CTNNA2: variants seen among roughly 807,000 people sequenced by gnomAD.
CTNNA2 encodes catenin alpha-2.
Under a neutral mutation model 101.0 loss-of-function variants are expected in CTNNA2, and 42 were observed. The observed-to-expected ratio is 0.42, with a 90% confidence interval of 0.32 to 0.54. The LOEUF (loss-of-function observed/expected upper bound fraction) is 0.54. Ranked by LOEUF, CTNNA2 falls within the 20% of genes least tolerant of loss-of-function variation. CTNNA2 has a pLI of 0.14. For missense variants in CTNNA2, 871 were observed against 1,223.1 expected, an observed-to-expected ratio of 0.71 and a Z score of 4.29; for synonymous variants, 450 against 456.4, an observed-to-expected ratio of 0.99 and a Z score of 0.18.
intron 3 of CTNNA2, among the ~76,000 whole-genome samples, chr2:79,321,190 C>G (rs930144693): frequency 6.6e-6 from 1 of 152,006 alleles, no homozygotes. Flanking sequence ...TGAGATTATT[C>G]CCATTTTTCA....
chr2:79,300,660 C>T (rs958941220), intron 2 of CTNNA2, among the ~76,000 whole-genome samples: 7 of 152,168 alleles, frequency 4.6e-5, no homozygotes, highest in Non-Finnish European at 5.9e-5. Context: ...TCTTAAGTTT[C>T]ATTAAATCTT....
At chr2:79,933,812 A>G (rs1687611799) in intron 7 of CTNNA2, among the ~76,000 whole-genome samples, 1 of 152,182 alleles carries the variant, frequency 6.6e-6, no homozygotes, top group Non-Finnish European at 1.5e-5. Context: ...GCACACTTAA[A>G]ATGTTTCTGT....
At chr2:80,608,951 A>G (rs1213070225) in intron 17 of CTNNA2, among the ~76,000 whole-genome samples, 2 of 151,880 alleles carry the variant, frequency 1.3e-5, no homozygotes, top group Non-Finnish European at 2.9e-5. Context: ...TCAAATGCAT[A>G]GAAATAAGTT....
chr2:79,353,627 C>T (rs767984170), intron 3 of CTNNA2, among the ~76,000 whole-genome samples: 6 of 152,066 alleles, frequency 3.9e-5, no homozygotes, highest in Non-Finnish European at 8.8e-5. Context: ...TTCCACTTGT[C>T]ATTCTATGCC....
chr2:80,511,082 A>G (rs1164746262), intron 9 of CTNNA2, among the ~76,000 whole-genome samples: 3 of 152,214 alleles, frequency 2.0e-5, no homozygotes, highest in Non-Finnish European at 4.4e-5. Flanking sequence ...TAGAGAGCCA[A>G]AGTTTTTGCT....
At chr2:79,640,667 G>A (rs2104415824) in intron 1 of CTNNA2, among the ~76,000 whole-genome samples, 1 of 152,056 alleles carries the variant, frequency 6.6e-6, no homozygotes, top group South Asian at 2.1e-4. Context: ...TTATTCTCTA[G>A]GAAATAGACC....
intron 3 of CTNNA2, among the ~76,000 whole-genome samples, chr2:79,800,607 G>A (rs138527080): frequency 2.0e-5 from 3 of 152,238 alleles, no homozygotes; most frequent in Non-Finnish European, 4.4e-5. Flanking sequence ...AACAGATCAC[G>A]TCCACCTGCA....
intron 7 of CTNNA2, among the ~76,000 whole-genome samples, chr2:80,110,470 G>A (rs1182301491): frequency 1.3e-5 from 2 of 152,150 alleles, no homozygotes; most frequent in African/African-American, 2.4e-5. Context: ...TTAGTCCCCA[G>A]TATATATGGC....
intron 7 of CTNNA2, among the ~76,000 whole-genome samples, chr2:80,130,337 A>C (rs1157348823): frequency 6.6e-6 from 1 of 152,238 alleles, no homozygotes; most frequent in Non-Finnish European, 1.5e-5. Flanking sequence ...GTTTCTCTAA[A>C]TTGGAGCACA....
intron 7 of CTNNA2, among the ~76,000 whole-genome samples, chr2:80,234,521 G>A (rs1348785059): frequency 6.6e-6 from 1 of 152,104 alleles, no homozygotes; most frequent in East Asian, 1.9e-4. Context: ...ACCTCTCAAA[G>A]GTAAAGCAGG....
chr2:80,233,649 T>TA (rs1709382731), intron 7 of CTNNA2, among the ~76,000 whole-genome samples: 1 of 152,232 alleles, frequency 6.6e-6, no homozygotes, highest in African/African-American at 2.4e-5. Context: ...TATCATATTT[T>TA]GCTAGAAAAG....
chr2:79,986,328 A>T (rs142147930), intron 7 of CTNNA2, among the ~76,000 whole-genome samples: 1 of 152,016 alleles, frequency 6.6e-6, no homozygotes, highest in African/African-American at 2.4e-5. Context: ...ATTCCTCTTT[A>T]CTTTGTAACC....
intron 2 of CTNNA2, among the ~76,000 whole-genome samples, chr2:79,211,835 T>A (rs1426290743): frequency 6.6e-6 from 1 of 151,936 alleles, no homozygotes; most frequent in African/African-American, 2.4e-5. Context: ...TTTTGGGGGA[T>A]GGTATGGAGA....
intron 7 of CTNNA2, among the ~76,000 whole-genome samples, chr2:80,035,375 A>G (rs1695580785): frequency 6.6e-6 from 1 of 152,246 alleles, no homozygotes; most frequent in African/African-American, 2.4e-5. Context: ...TGGGAAGATT[A>G]AATGAGAAAA....
intron 7 of CTNNA2, among the ~76,000 whole-genome samples, chr2:80,249,117 G>C (rs866551272): frequency 6.6e-6 from 1 of 152,124 alleles, no homozygotes; most frequent in Non-Finnish European, 1.5e-5. Context: ...CATTTCCACA[G>C]CATGCTTTTA....
At chr2:79,227,755 TTA>T (rs1312507864) in intron 2 of CTNNA2, among the ~76,000 whole-genome samples, 4 of 152,220 alleles carry the variant, frequency 2.6e-5, no homozygotes, top group Non-Finnish European at 5.9e-5. Flanking sequence ...TAATCTTTTT[TTA>T]AAATTTCAAC....
At chr2:79,907,221 G>A (rs1011032598) in intron 6 of CTNNA2, among the ~76,000 whole-genome samples, 25 of 151,956 alleles carry the variant, frequency 1.6e-4, no homozygotes, top group African/African-American at 5.3e-4. Context: ...TATAAAATAG[G>A]TCTTTGAAAA....
chr2:80,638,513 T>G (rs1442364936), intron 18 of CTNNA2, among the ~76,000 whole-genome samples: 1 of 152,188 alleles, frequency 6.6e-6, no homozygotes, highest in Non-Finnish European at 1.5e-5. Flanking sequence ...GGGGACTACC[T>G]GGATAAACAG....
At chr2:79,511,572 T>C (rs1038281886), upstream of CTNNA2, among the ~76,000 whole-genome samples, 1 of 152,166 alleles carries the variant, frequency 6.6e-6, no homozygotes, top group Non-Finnish European at 1.5e-5. Flanking sequence ...CTTAAGCCAA[T>C]ATCCGGTGAC....
Sources: gnomAD v4.1 joint callset for allele counts (sites outside exome capture counted in the v4.1 genomes callset) on GRCh38, gnomAD v4.1.1 for gene constraint, MANE v1.5 for transcripts, NCBI Gene and HGNC (gene_info 2026-07-23, HGNC 2026-07-21) for gene names.